Variants in WWOX observed in about 807,000 individuals in gnomAD.
WWOX encodes WW domain containing oxidoreductase.
In WWOX, 69 loss-of-function variants were observed where a neutral mutation model predicts 46.2. The observed-to-expected ratio is 1.49, with a 90% CI of 1.23 to 1.82. WWOX has a LOEUF of 1.82. Among genes scored for constraint, WWOX ranks in the 40% most tolerant of loss-of-function variants. The probability of loss-of-function intolerance (pLI) is 0.00; values close to 1 mark genes in which losing one functional copy is unlikely to be tolerated. For missense variants in WWOX, 919 were observed against 542.6 expected (o/e 1.69, Z -6.89); for synonymous variants, 359 against 202.6 (o/e 1.77, Z -6.56).
At chr16:78,115,813 A>G (rs914957153) in intron 4 of WWOX, among the ~76,000 whole-genome samples, 4 of 152,158 alleles carry the variant, frequency 2.6e-5, no homozygotes, top group Admixed American at 2.6e-4. Flanking sequence ...ATCTATTTAC[A>G]TAAGTATCTG....
intron 8 of WWOX, among the ~76,000 whole-genome samples, chr16:79,017,997 A>G (rs2047451696): frequency 6.6e-6 from 1 of 152,220 alleles, no homozygotes. Context: ...CAAAAAGGTT[A>G]TGTACTGGGG....
At chr16:79,041,496 G>A (rs117340449) in intron 8 of WWOX, among the ~76,000 whole-genome samples, 2,003 of 152,308 alleles carry the variant, frequency 0.013, 21 homozygotes, top group South Asian at 0.03. Context: ...TGATGGAGCA[G>A]GGATCATGCT....
chr16:79,170,616 T>TAAAAA (rs10623409), intron 8 of WWOX, among the ~76,000 whole-genome samples: 1 of 151,574 alleles, frequency 6.6e-6, no homozygotes, highest in African/African-American at 2.4e-5. Flanking sequence ...ATTTTTTACT[T>TAAAAA]AAACCACACA....
In WWOX at chr16:78,409,219, G is replaced by A. The variant is rs1472979384; in HGVS notation, c.606-15651G>A. Among the ~76,000 whole-genome samples, 6 of 152,030 alleles carry A rather than the reference G, an allele frequency of 3.9e-5. No individual in the cohort carries two copies. In the East Asian group the frequency reaches 9.7e-4, roughly 24 times the overall value. ...TTTAAAAAAAATTTTTTTTTGTAAT[G>A]AATTGAGTTTTAAAGCTAGCACTGT... On this transcript the variant is annotated intron_variant, in intron 6 of 8. Coordinates refer to ENST00000566780, the MANE Select transcript of WWOX (RefSeq NM_016373.4).
chr16:79,159,657 CTT>C (rs1486888868), intron 8 of WWOX, among the ~76,000 whole-genome samples: 2 of 152,166 alleles, frequency 1.3e-5, no homozygotes, highest in Admixed American at 6.5e-5. Context: ...CAGGACAAAT[CTT>C]TTCATATTTA....
chr16:78,506,036 C>G (rs2085194851), intron 8 of WWOX, among the ~76,000 whole-genome samples: 2 of 152,220 alleles, frequency 1.3e-5, no homozygotes, highest in African/African-American at 4.8e-5. Context: ...CCCTTGCACC[C>G]CTGGATCTTC....
rs1482477758 is a variant in WWOX at position 78,843,233 on chromosome 16, C to T, written c.1057-368375C>T. On this transcript the variant is annotated intron_variant, in intron 8 of 8. Transcript: ENST00000566780. ...CAAAGATTAGAACGTTGAAAGCTTCCAATTCCAGATCCTTCATGAGCTTGT... is the reference window on the plus strand; with the variant it reads ...CAAAGATTAGAACGTTGAAAGCTTCTAATTCCAGATCCTTCATGAGCTTGT... Among the ~76,000 whole-genome samples, 2 of 149,990 alleles carry T rather than the reference C, an allele frequency of 1.3e-5. 1 individual carries two copies. The highest frequency in any genetic ancestry group is 1.3e-4 in the Admixed American group (2 of 15,014).
intron 8 of WWOX, among the ~76,000 whole-genome samples, chr16:79,097,897 C>G (rs775854235): frequency 1.3e-5 from 2 of 152,208 alleles, no homozygotes; most frequent in Middle Eastern, 6.8e-3. Flanking sequence ...AAGTTTCAAA[C>G]CACCAGGCAA....
intron 8 of WWOX, among the ~76,000 whole-genome samples, chr16:78,563,989 G>A (rs937603686): frequency 6.6e-6 from 1 of 151,728 alleles, no homozygotes; most frequent in Admixed American, 6.5e-5. Flanking sequence ...CCCACTTGCT[G>A]TGCTACGAAC....
chr16:79,132,596 T>C (rs766088357), intron 8 of WWOX, among the ~76,000 whole-genome samples: 34 of 152,194 alleles, frequency 2.2e-4, no homozygotes, highest in Non-Finnish European at 4.0e-4. Context: ...GGTTTCTCTG[T>C]GTCTCTCTTT....
chr16:78,719,090 C>G (rs971522684), intron 8 of WWOX, among the ~76,000 whole-genome samples: 12 of 152,268 alleles, frequency 7.9e-5, no homozygotes, highest in Non-Finnish European at 1.6e-4. Context: ...CTATGAGCCC[C>G]TCATGACGCA....
chr16:79,109,279 C>T (rs2049370553), intron 8 of WWOX, among the ~76,000 whole-genome samples: 1 of 152,184 alleles, frequency 6.6e-6, no homozygotes, highest in South Asian at 2.1e-4. Flanking sequence ...TGGGAGTTGA[C>T]ACAGATCCTT....
intron 8 of WWOX, among the ~76,000 whole-genome samples, chr16:78,509,714 T>C (rs1470172552): frequency 6.6e-6 from 1 of 152,142 alleles, no homozygotes; most frequent in Non-Finnish European, 1.5e-5. Context: ...TTGTTTATAT[T>C]GTCTTGACTT....
At chr16:78,307,169 G>A (rs1299409632) in intron 5 of WWOX, among the ~76,000 whole-genome samples, 4 of 152,078 alleles carry the variant, frequency 2.6e-5, no homozygotes, top group Non-Finnish European at 5.9e-5. Flanking sequence ...TGTTAGAAAA[G>A]GTATTTTTTT....
chr16:78,442,540 C>G (rs2151397538), intron 8 of WWOX, among the ~76,000 whole-genome samples: 1 of 152,224 alleles, frequency 6.6e-6, no homozygotes, highest in East Asian at 1.9e-4. Flanking sequence ...AAAGTGAGAT[C>G]ATAGAGTATT....
chr16:78,660,762 A>G (rs1370860170), intron 8 of WWOX, among the ~76,000 whole-genome samples: 2 of 152,230 alleles, frequency 1.3e-5, no homozygotes, highest in Non-Finnish European at 2.9e-5. Context: ...GGATTCTTCC[A>G]GAAACGTTCT....
chr16:78,514,618 C>G (rs182007615), intron 8 of WWOX, among the ~76,000 whole-genome samples: 22 of 152,210 alleles, frequency 1.4e-4, no homozygotes, highest in African/African-American at 4.8e-4. Context: ...TGTCCCAGGG[C>G]AAGATAGCAA....
intron 5 of WWOX, among the ~76,000 whole-genome samples, chr16:78,379,526 G>A (rs138434540): frequency 6.6e-6 from 1 of 152,276 alleles, no homozygotes; most frequent in African/African-American, 2.4e-5. Flanking sequence ...GCATAACAAA[G>A]AGCTGCTGCT....
chr16:78,278,666 G>GA (rs747963531), intron 5 of WWOX: 2 of 1,605,970 alleles, frequency 1.2e-6, no homozygotes, highest in Non-Finnish European at 1.7e-6. Context: ...GCAAAAGAAG[G>GA]AAAAAATAAA....
Sources: allele counts gnomAD v4.1 joint callset (sites outside exome capture counted in the v4.1 genomes callset), GRCh38; gene constraint gnomAD v4.1.1; transcripts MANE v1.5; gene names NCBI Gene and HGNC (gene_info 2026-07-23, HGNC 2026-07-21).